RANBP3L: variants seen among roughly 807,000 people sequenced by gnomAD.
RANBP3L encodes the protein RAN binding protein 3 like.
RANBP3L carries 56 observed loss-of-function variants against 67.2 expected under a neutral mutation model. That is an observed-to-expected ratio of 0.83 (90% confidence interval 0.67 to 1.04). RANBP3L has a LOEUF of 1.04. Among genes scored for constraint, RANBP3L ranks in the 50% least tolerant of loss-of-function variants. The pLI is 0.00. For missense variants in RANBP3L, 496 were observed against 535.5 expected (o/e 0.93, Z 0.73); for synonymous variants, 164 against 181.4 (o/e 0.90, Z 0.77).
intron 1 of RANBP3L, among the ~76,000 whole-genome samples, chr5:36,300,038 C>T (rs979615792): frequency 4.6e-5 from 7 of 152,142 alleles, no homozygotes; most frequent in Non-Finnish European, 8.8e-5. Flanking sequence ...GGCTCACCCC[C>T]ACCAAATTTT....
At position 36,264,672 on chromosome 5, in the gene RANBP3L, T is replaced by C. The variant is rs58366187; in HGVS notation, c.480+287A>G. Among the ~76,000 whole-genome samples the C allele has an allele frequency of 1.8e-3, 275 of 152,284 alleles. 1 individual carries two copies. Among genetic ancestry groups the C allele is most frequent in the African/African-American group, 6.2e-3 (258 of 41,558 alleles). ...CTGACTCTGGCCCCTGGCTCCCTCA[T>C]TGCTGTCCCCATTCTCACACAGGGT... On this transcript the variant is annotated intron_variant, in intron 6 of 13. Transcript: ENST00000296604.
At chr5:36,289,175 G>GTTC (rs1246691176) in intron 1 of RANBP3L, among the ~76,000 whole-genome samples, 1 of 151,918 alleles carries the variant, frequency 6.6e-6, no homozygotes, top group Non-Finnish European at 1.5e-5. Context: ...AAAGCTATCC[G>GTTC]TTCTCCCTTT....
chr5:36,288,674 A>C (rs1305731386), intron 1 of RANBP3L, among the ~76,000 whole-genome samples: 1 of 152,146 alleles, frequency 6.6e-6, no homozygotes, highest in Non-Finnish European at 1.5e-5. Context: ...TAGTGGATGT[A>C]AAGTGACATT....
intron 1 of RANBP3L, among the ~76,000 whole-genome samples, chr5:36,300,078 G>A (rs1356538603): frequency 6.6e-6 from 1 of 152,208 alleles, no homozygotes; most frequent in Non-Finnish European, 1.5e-5. Context: ...AGCAATTGAA[G>A]TGGGGGGAAG....
intron 4 of RANBP3L, among the ~76,000 whole-genome samples, chr5:36,266,757 CTTT>C (rs10556207): frequency 4.8e-4 from 72 of 148,912 alleles, no homozygotes; most frequent in Middle Eastern, 3.4e-3. Flanking sequence ...GTCTCTCTCA[CTTT>C]TTTTTTTTTT....
chr5:36,285,125 T>A (rs543108859), intron 1 of RANBP3L, among the ~76,000 whole-genome samples: 21 of 152,272 alleles, frequency 1.4e-4, no homozygotes, highest in Admixed American at 1.2e-3. Context: ...AAAAACAGTG[T>A]CTGGTATATA....
Position 36,257,548 on chromosome 5 carries a change from T to C in RANBP3L, c.678A>G (p.Gln226=), listed in dbSNP as rs1036846251. The change falls in exon 9 of 14, where the codon CAA becomes CAG. Residue 226 remains glutamine (Q), a synonymous_variant. Transcript: ENST00000296604. ...TTTCAAGTTGAGGCTGGGTGAGTTT[T>C]TGAGTACCCTGAGAGCGGAAAAAGA... ...ENMVERVLGT[Q]KLTQPQLEND... The C allele has an allele frequency of 1.3e-6, 2 of 1,516,146 alleles. No individual in the cohort carries two copies. The highest frequency in any genetic ancestry group is 1.7e-5 in the Admixed American group (1 of 57,698). 93.9% of individuals were successfully genotyped at this position (1,516,146 alleles called of 1,614,324 possible). A position where few individuals can be genotyped will look rare whatever the true frequency, so the allele number is the denominator to read the frequency against.
At chr5:36,285,490 C>T (rs1055865203) in intron 1 of RANBP3L, among the ~76,000 whole-genome samples, 1 of 152,222 alleles carries the variant, frequency 6.6e-6, no homozygotes, top group Non-Finnish European at 1.5e-5. Context: ...CTTCATCCCA[C>T]AGGATCAGCC....
At chr5:36,259,198 G>A (rs1008502117) in intron 8 of RANBP3L, among the ~76,000 whole-genome samples, 1 of 152,176 alleles carries the variant, frequency 6.6e-6, no homozygotes, top group Non-Finnish European at 1.5e-5. Flanking sequence ...ACAGCTCTAG[G>A]ATTGGTGAGT....
intron 6 of RANBP3L, among the ~76,000 whole-genome samples, chr5:36,264,503 T>A: frequency 6.6e-6 from 1 of 152,204 alleles, no homozygotes; most frequent in East Asian, 1.9e-4. Flanking sequence ...CCCTCCCAAC[T>A]ACACTGTATA....
intron 1 of RANBP3L, among the ~76,000 whole-genome samples, chr5:36,291,293 A>G (rs532013187): frequency 1.3e-5 from 2 of 151,968 alleles, no homozygotes; most frequent in South Asian, 2.1e-4. Flanking sequence ...GGAATCAGAC[A>G]GTATTTATCT....
At chr5:36,270,814 G>A (rs1165432339) in intron 2 of RANBP3L, among the ~76,000 whole-genome samples, 3 of 152,146 alleles carry the variant, frequency 2.0e-5, no homozygotes, top group African/African-American at 4.8e-5. Flanking sequence ...CTTACTGTTA[G>A]TCTTTCAAAA....
chr5:36,284,814 A>G (rs978413564), intron 1 of RANBP3L, among the ~76,000 whole-genome samples: 2 of 152,208 alleles, frequency 1.3e-5, no homozygotes, highest in African/African-American at 4.8e-5. Flanking sequence ...TTCCAGTCAA[A>G]TATACCCTTT....
At chr5:36,277,296 G>A (rs115882617) in intron 1 of RANBP3L, among the ~76,000 whole-genome samples, 2,502 of 151,836 alleles carry the variant, frequency 0.016, 32 homozygotes, top group Non-Finnish European at 0.025. Flanking sequence ...CTTCTTCACC[G>A]TGTCTGGTTC....
At chr5:36,262,890 T>TG (rs1749497157) in intron 6 of RANBP3L, among the ~76,000 whole-genome samples, 1 of 152,208 alleles carries the variant, frequency 6.6e-6, no homozygotes, top group Non-Finnish European at 1.5e-5. Flanking sequence ...GCCAAAATGG[T>TG]AGTTTTCACT....
intron 11 of RANBP3L, among the ~76,000 whole-genome samples, chr5:36,254,973 C>T (rs1031999311): frequency 2.6e-5 from 4 of 152,148 alleles, no homozygotes; most frequent in African/African-American, 7.2e-5. Flanking sequence ...ACTAATCCTT[C>T]ATCCCGACCC....
In RANBP3L at chr5:36,287,369, G is replaced by A. The variant is rs548381698; in HGVS notation, c.91+13957C>T. ...GAGAAAATAAGCTCCTTGTGGGCAG[G>A]ATTTTTTGTTTGCTTTGTTCACTAG... is the stretch of plus-strand genomic sequence containing the variant. On this transcript the variant is annotated intron_variant, in intron 1 of 13. Coordinates refer to ENST00000296604, the MANE Select transcript of RANBP3L (RefSeq NM_145000.5). Among the ~76,000 whole-genome samples, 6 of 152,144 alleles carry A rather than the reference G, an allele frequency of 3.9e-5. No homozygotes were observed. The South Asian group carries it at 1.2e-3, about 32-fold the overall frequency.
At chr5:36,271,922 A>G (rs1750243742) in intron 1 of RANBP3L, among the ~76,000 whole-genome samples, 1 of 152,196 alleles carries the variant, frequency 6.6e-6, no homozygotes, top group African/African-American at 2.4e-5. Flanking sequence ...ATGGCAATAG[A>G]GAGAAACTCA....
rs541842380 is a variant in RANBP3L, at chr5:36,295,094, C to G, written c.91+6232G>C. 2.0e-5 allele frequency among the ~76,000 whole-genome samples: 3 copies of G among 151,988 alleles called. No individual in the cohort carries two copies. The South Asian group carries it at 6.2e-4, about 32-fold the overall frequency. ...TAATACTACCATGAGCATAGGTGCA[C>G]AAGTATCTGTTTGAATCCCTGCTTT... On this transcript the variant is annotated intron_variant, in intron 1 of 13. Transcript: ENST00000296604.
Sources: allele counts gnomAD v4.1 joint callset (sites outside exome capture counted in the v4.1 genomes callset), GRCh38; gene constraint gnomAD v4.1.1; transcripts MANE v1.5; gene names NCBI Gene and HGNC (gene_info 2026-07-23, HGNC 2026-07-21).